CECR2: variants seen among roughly 807,000 people sequenced by gnomAD.
The protein encoded by CECR2 is CECR2 histone acetyl-lysine reader, also known as chromatin remodeling regulator CECR2.
CECR2 carries 30 observed loss-of-function variants against 154.5 expected under a neutral mutation model. That is an observed-to-expected ratio of 0.19 (90% CI 0.15 to 0.26). The LOEUF is 0.26. Among genes scored for constraint, CECR2 ranks in the 10% least tolerant of loss-of-function variants. The pLI is 1.00. For missense variants in CECR2, 1,743 were observed against 1,829.3 expected (o/e 0.95, Z 0.86); for synonymous variants, 725 against 683.7 (o/e 1.06, Z -0.94).
rs1360565874 is a variant in CECR2, at chr22:17,528,451, G to A, written c.1108+4180G>A. 2.0e-5 allele frequency among the ~76,000 whole-genome samples: 3 copies of A among 151,882 alleles called. No individual in the cohort carries two copies. In the East Asian group the frequency reaches 5.8e-4, roughly 29 times the overall value. On this transcript the variant is annotated intron_variant, in intron 9 of 18. Coordinates refer to ENST00000262608, the MANE Select transcript of CECR2 (RefSeq NM_001290047.2). ...TGGGGAGAGGTAGGATGGTTAATGG[G>A]TACAAAAAAAATAGTTATTATGAAT...
intron 1 of CECR2, among the ~76,000 whole-genome samples, chr22:17,393,664 C>T (rs2053764116): frequency 1.3e-5 from 2 of 152,304 alleles, no homozygotes; most frequent in South Asian, 2.1e-4. Context: ...TCCTTGCCAA[C>T]ACTTATTATC....
chr22:17,471,959 G>A (rs902505438), intron 1 of CECR2, among the ~76,000 whole-genome samples: 1 of 152,108 alleles, frequency 6.6e-6, no homozygotes, highest in African/African-American at 2.4e-5. Flanking sequence ...ACATATATTG[G>A]TATAATTAGT....
At chr22:17,550,295 C>A in intron 17 of CECR2, 2 of 188,620 alleles carry the variant, frequency 1.1e-5, no homozygotes, top group South Asian at 9.7e-5. Flanking sequence ...TTACAGGTGC[C>A]CGCCACCACA....
At chr22:17,528,339 G>C (rs968923427) in intron 9 of CECR2, among the ~76,000 whole-genome samples, 1 of 152,008 alleles carries the variant, frequency 6.6e-6, no homozygotes, top group African/African-American at 2.4e-5. Context: ...TCACTTACTT[G>C]TGGGATCTAA....
At chr22:17,412,770 G>A (rs1388355200) in intron 1 of CECR2, among the ~76,000 whole-genome samples, 5 of 151,930 alleles carry the variant, frequency 3.3e-5, no homozygotes, top group East Asian at 1.9e-4. Context: ...GACAGGTGGC[G>A]GGCGGCCTTC....
intron 2 of CECR2, among the ~76,000 whole-genome samples, chr22:17,489,880 C>T (rs1447612887): frequency 1.5e-5 from 2 of 136,636 alleles, no homozygotes; most frequent in African/African-American, 2.8e-5. Flanking sequence ...CTTTAGCTTG[C>T]TCTTTTTTTT....
At chr22:17,440,739 A>T (rs529499119) in intron 1 of CECR2, among the ~76,000 whole-genome samples, 5 of 152,280 alleles carry the variant, frequency 3.3e-5, no homozygotes, top group Admixed American at 1.3e-4. Context: ...TTAGAAACAG[A>T]AATTTGACTA....
chr22:17,421,135 C>T (rs1041897245), intron 1 of CECR2, among the ~76,000 whole-genome samples: 1 of 152,050 alleles, frequency 6.6e-6, no homozygotes, highest in African/African-American at 2.4e-5. Flanking sequence ...TTCTCCAGTG[C>T]TGTTTCTTTA....
Position 17,540,719 on chromosome 22 carries a change from G to A in CECR2, c.1803G>A (p.Val601=), listed in dbSNP as rs765163889. 1 of 1,612,708 alleles carries A rather than the reference G, an allele frequency of 6.2e-7. No homozygotes were observed. The highest frequency in any genetic ancestry group is 1.1e-5 in the South Asian group (1 of 90,774). ...SSSSTQPPRE[V]GTSNGRGFSH... is the part of the protein sequence containing the mutation. Reference sequence around the variant, plus strand: ...GCTCCACACAGCCCCCGCGGGAGGTGGGCACTTCCAATGGCCGAGGTTTTT... The same window carrying A: ...GCTCCACACAGCCCCCGCGGGAGGTAGGCACTTCCAATGGCCGAGGTTTTT... The change falls in exon 14 of 19, where the codon GTG becomes GTA. Residue 601 remains valine, a synonymous_variant. Transcript: ENST00000262608.
intron 5 of CECR2, among the ~76,000 whole-genome samples, chr22:17,501,786 C>T (rs1217511592): frequency 6.6e-6 from 1 of 152,144 alleles, no homozygotes; most frequent in South Asian, 2.1e-4. Context: ...TACCTGTCTC[C>T]GTTTCCCCAT....
chr22:17,381,215 A>G lies in CECR2; in HGVS notation c.126+11306A>G, dbSNP rs114080013. Among the ~76,000 whole-genome samples the G allele has an allele frequency of 5.1e-3, 781 of 152,284 alleles. 11 individuals are homozygous for G. The highest frequency in any genetic ancestry group is 0.018 in the African/African-American group (748 of 41,556). The stretch of plus-strand genomic sequence containing the variant: ...GGCATTGATTTGGGTTAGTATCCAC[A>G]CGAATGTACTGATGCTTTTCACATT... On this transcript the variant is annotated intron_variant, in intron 1 of 18. Transcript: ENST00000262608.
At chr22:17,478,504 C>T (rs1328773629) in intron 2 of CECR2, among the ~76,000 whole-genome samples, 1 of 151,910 alleles carries the variant, frequency 6.6e-6, no homozygotes, top group Non-Finnish European at 1.5e-5. Flanking sequence ...TACAGGCACT[C>T]GCCACCACGC....
At chr22:17,418,221 C>G (rs2054184129) in intron 1 of CECR2, among the ~76,000 whole-genome samples, 1 of 152,212 alleles carries the variant, frequency 6.6e-6, no homozygotes, top group Non-Finnish European at 1.5e-5. Flanking sequence ...TCTCTCACTA[C>G]AGATAAATTT....
chr22:17,438,777 C>T (rs1012731030), intron 1 of CECR2, among the ~76,000 whole-genome samples: 1 of 152,116 alleles, frequency 6.6e-6, no homozygotes, highest in East Asian at 1.9e-4. Flanking sequence ...GGATGATTTC[C>T]AGCTGAAAAA....
At chr22:17,402,661 T>C (rs2053912558) in intron 1 of CECR2, among the ~76,000 whole-genome samples, 1 of 152,202 alleles carries the variant, frequency 6.6e-6, no homozygotes, top group Non-Finnish European at 1.5e-5. Flanking sequence ...AACTAAGACA[T>C]TCACATTGGT....
chr22:17,446,166 C>T (rs2054658998), intron 1 of CECR2, among the ~76,000 whole-genome samples: 1 of 152,040 alleles, frequency 6.6e-6, no homozygotes, highest in South Asian at 2.1e-4. Flanking sequence ...GCTTTCTGTG[C>T]ACACTGAAAA....
At chr22:17,486,941 T>C (rs1265787341) in intron 2 of CECR2, among the ~76,000 whole-genome samples, 1 of 152,132 alleles carries the variant, frequency 6.6e-6, no homozygotes, top group Non-Finnish European at 1.5e-5. Context: ...CCTGGGAACC[T>C]GCATGCTGTG....
rs1601524055 is a variant in CECR2, at chr22:17,531,081, A to G, written c.1109-6022A>G. Among the ~76,000 whole-genome samples the G allele has an allele frequency of 6.6e-5, 10 of 152,226 alleles. No individual in the cohort carries two copies. The South Asian group carries it at 2.1e-3, about 31-fold the overall frequency. On this transcript the variant is annotated intron_variant, in intron 9 of 18. Coordinates refer to ENST00000262608, the MANE Select transcript of CECR2 (RefSeq NM_001290047.2). The stretch of plus-strand genomic sequence containing the variant: ...TAACTAGAATGAGATGAAGCCGGCC[A>G]TGACGAAAGAAGTAACTTGTAGTTA...
intron 2 of CECR2, among the ~76,000 whole-genome samples, chr22:17,484,844 C>CTCCA (rs1305541281): frequency 6.6e-6 from 1 of 152,182 alleles, no homozygotes; most frequent in Non-Finnish European, 1.5e-5. Flanking sequence ...TGCCACAGCA[C>CTCCA]TCCAGCCTCT....
Sources: allele counts gnomAD v4.1 joint callset (sites outside exome capture counted in the v4.1 genomes callset), GRCh38; gene constraint gnomAD v4.1.1; transcripts MANE v1.5; gene names NCBI Gene and HGNC (gene_info 2026-07-23, HGNC 2026-07-21).